EYS: variants seen among roughly 807,000 people sequenced by gnomAD.
The protein encoded by EYS is EGF-like photoreceptor maintenance factor.
In EYS, 250 loss-of-function variants were observed where a neutral mutation model predicts 282.1. The observed-to-expected ratio is 0.89, with a 90% confidence interval of 0.80 to 0.98. The LOEUF (loss-of-function observed/expected upper bound fraction) is 0.98. Ranked by LOEUF, EYS falls within the 50% of genes least tolerant of loss-of-function variation. The probability of loss-of-function intolerance (pLI) is 0.00; values close to 1 mark genes in which losing one functional copy is unlikely to be tolerated. For synonymous variants in EYS, 1,355 were observed against 1,282.9 expected (o/e 1.06, Z -1.20); for missense variants, 4,016 against 3,709.0 (o/e 1.08, Z -2.15).
At chr6:65,163,477 A>G (rs1764899269) in intron 12 of EYS, among the ~76,000 whole-genome samples, 1 of 151,270 alleles carries the variant, frequency 6.6e-6, no homozygotes, top group Admixed American at 6.6e-5. Context: ...TAAAATTGGA[A>G]ATGTCTTTGT....
At chr6:64,993,881 A>T (rs1481747435) in intron 14 of EYS, among the ~76,000 whole-genome samples, 4 of 150,714 alleles carry the variant, frequency 2.7e-5, no homozygotes, top group Non-Finnish European at 5.9e-5. Context: ...CCTGTAGTAT[A>T]CGTGTGTGTG....
intron 36 of EYS, among the ~76,000 whole-genome samples, chr6:63,826,866 G>GAAA (rs1771481810): frequency 1.0e-5 from 1 of 96,472 alleles, no homozygotes; most frequent in Non-Finnish European, 2.2e-5. Context: ...AAAAAAAAAG[G>GAAA]ACAAAAACAA....
intron 5 of EYS, among the ~76,000 whole-genome samples, chr6:65,406,589 T>C (rs1273658177): frequency 6.6e-6 from 1 of 152,232 alleles, no homozygotes; most frequent in East Asian, 1.9e-4. Flanking sequence ...AGTTTATTTT[T>C]TATATGGTGT....
chr6:64,405,630 T>C (rs1442795206), intron 28 of EYS, among the ~76,000 whole-genome samples: 1 of 152,126 alleles, frequency 6.6e-6, no homozygotes, highest in African/African-American at 2.4e-5. Flanking sequence ...TTCAGCAAAA[T>C]ATCAGGATAC....
intron 15 of EYS, among the ~76,000 whole-genome samples, chr6:64,945,367 A>G (rs998263440): frequency 1.3e-5 from 2 of 152,082 alleles, no homozygotes; most frequent in Non-Finnish European, 2.9e-5. Context: ...ACTATAAAAT[A>G]TATCAAAAAT....
intron 2 of EYS, among the ~76,000 whole-genome samples, chr6:65,521,867 T>C (rs1767385412): frequency 6.6e-6 from 1 of 152,064 alleles, no homozygotes; most frequent in Non-Finnish European, 1.5e-5. Flanking sequence ...TCTCGTAGGG[T>C]TCTTGGTATA....
intron 35 of EYS, among the ~76,000 whole-genome samples, chr6:63,923,770 T>A (rs1350016413): frequency 6.6e-6 from 1 of 152,192 alleles, no homozygotes; most frequent in African/African-American, 2.4e-5. Context: ...ATTGATGCCA[T>A]CTTTATGTCT....
At chr6:64,194,374 T>C (rs1765215471) in intron 31 of EYS, among the ~76,000 whole-genome samples, 1 of 152,204 alleles carries the variant, frequency 6.6e-6, no homozygotes, top group South Asian at 2.1e-4. Flanking sequence ...TTATCTTTAC[T>C]AATGTAAACA....
intron 22 of EYS, among the ~76,000 whole-genome samples, chr6:64,715,766 T>C (rs141105150): frequency 6.1e-4 from 93 of 152,330 alleles, no homozygotes; most frequent in African/African-American, 2.1e-3. Flanking sequence ...CCATTTGGCT[T>C]TGAATGCCTC....
intron 24 of EYS, among the ~76,000 whole-genome samples, chr6:64,603,861 CTGTGTGTGTGTG>C (rs34430318): frequency 2.0e-5 from 3 of 148,184 alleles, no homozygotes; most frequent in Non-Finnish European, 4.5e-5. Flanking sequence ...AAATGAATAC[CTGTGTGTGTGTG>C]TGTGTGTGTG....
At chr6:65,652,458 G>A (rs1767687955) in intron 1 of EYS, among the ~76,000 whole-genome samples, 1 of 151,872 alleles carries the variant, frequency 6.6e-6, no homozygotes, top group African/African-American at 2.4e-5. Flanking sequence ...GTGTAATGGT[G>A]GTGGCATTGG....
chr6:64,463,390 G>C (rs1481837385), intron 26 of EYS, among the ~76,000 whole-genome samples: 1 of 151,934 alleles, frequency 6.6e-6, no homozygotes, highest in African/African-American at 2.4e-5. Flanking sequence ...ATCCTTCTAG[G>C]GAAACATTCT....
chr6:64,130,424 G>A (rs570669967), intron 31 of EYS, among the ~76,000 whole-genome samples: 1 of 152,210 alleles, frequency 6.6e-6, no homozygotes, highest in East Asian at 1.9e-4. Context: ...GGTGAGAATT[G>A]AACAATGAGA....
chr6:63,837,578 A>T (rs1047829191), intron 36 of EYS, among the ~76,000 whole-genome samples: 3 of 152,096 alleles, frequency 2.0e-5, no homozygotes, highest in Admixed American at 6.6e-5. Flanking sequence ...AATTTAGCTA[A>T]TTTTTTCTAT....
chr6:65,465,933 C>T (rs181398923), intron 5 of EYS, among the ~76,000 whole-genome samples: 116 of 152,100 alleles, frequency 7.6e-4, no homozygotes, highest in African/African-American at 2.7e-3. Context: ...GATTGTGCCA[C>T]TGCCCCACAG....
intron 31 of EYS, among the ~76,000 whole-genome samples, chr6:64,184,485 G>A (rs1764877144): frequency 6.6e-6 from 1 of 151,962 alleles, no homozygotes; most frequent in Non-Finnish European, 1.5e-5. Context: ...AAAAAGCTCT[G>A]AGCTCCTCCA....
At chr6:64,371,866 T>C (rs975180150) in intron 29 of EYS, among the ~76,000 whole-genome samples, 2 of 152,178 alleles carry the variant, frequency 1.3e-5, no homozygotes, top group Non-Finnish European at 2.9e-5. Flanking sequence ...ATTTGCATGG[T>C]AGGTTTTTCT....
At chr6:64,806,578 T>C (rs1764435403) in intron 22 of EYS, among the ~76,000 whole-genome samples, 1 of 152,134 alleles carries the variant, frequency 6.6e-6, no homozygotes, top group South Asian at 2.1e-4. Flanking sequence ...TACTAATCTT[T>C]TAACAAATAA....
intron 31 of EYS, among the ~76,000 whole-genome samples, chr6:64,113,043 T>C (rs931493425): frequency 6.6e-6 from 1 of 152,058 alleles, no homozygotes; most frequent in African/African-American, 2.4e-5. Context: ...TTATGTTGAT[T>C]GAAAACTGAA....
Sources: gnomAD v4.1 joint callset for allele counts (sites outside exome capture counted in the v4.1 genomes callset) on GRCh38, gnomAD v4.1.1 for gene constraint, MANE v1.5 for transcripts, NCBI Gene and HGNC (gene_info 2026-07-23, HGNC 2026-07-21) for gene names.